HACE1: variants seen among roughly 807,000 people sequenced by gnomAD.
HACE1 encodes HECT domain and ankyrin repeat containing E3 ubiquitin protein ligase 1, also known as E3 ubiquitin-protein ligase HACE1.
Under a neutral mutation model 118.4 loss-of-function variants are expected in HACE1, and 73 were observed. The ratio of observed to expected loss-of-function variants is 0.62; its 90% CI spans 0.51 to 0.75. The LOEUF (loss-of-function observed/expected upper bound fraction) is 0.75, where lower values mean the gene tolerates loss of function less well. Ranked by LOEUF, HACE1 falls within the 30% of genes least tolerant of loss-of-function variation. The pLI is 0.00. For missense variants in HACE1, 749 were observed against 1,102.2 expected, an observed-to-expected ratio of 0.68 and a Z score of 4.54; for synonymous variants, 368 against 374.8, an observed-to-expected ratio of 0.98 and a Z score of 0.21.
At chr6:104,803,969 C>T (rs539659324) in intron 7 of HACE1, among the ~76,000 whole-genome samples, 3 of 152,128 alleles carry the variant, frequency 2.0e-5, no homozygotes, top group African/African-American at 4.8e-5. Flanking sequence ...AAAACCACAT[C>T]GTCTCAGCCC....
intron 19 of HACE1, among the ~76,000 whole-genome samples, chr6:104,759,972 A>C (rs1045136275): frequency 3.3e-5 from 5 of 152,208 alleles, no homozygotes; most frequent in South Asian, 4.1e-4. Flanking sequence ...ATTCCTAGAC[A>C]CATACACCAT....
intron 10 of HACE1, among the ~76,000 whole-genome samples, 186 bp from the exon 11 acceptor site, chr6:104,791,840 A>G (rs1783062486): frequency 6.6e-6 from 1 of 152,208 alleles, no homozygotes; most frequent in African/African-American, 2.4e-5. Context: ...TAACTTGCAT[A>G]TAAATAAATT....
At chr6:104,792,087 GCTAAA>G (rs1222657547) in intron 10 of HACE1, among the ~76,000 whole-genome samples, 2 of 152,106 alleles carry the variant, frequency 1.3e-5, no homozygotes, top group African/African-American at 4.8e-5. Flanking sequence ...TAACGAAGAA[GCTAAA>G]CTAAACTCTG....
intron 19 of HACE1, among the ~76,000 whole-genome samples, chr6:104,754,444 TATA>T (rs1778394499): frequency 6.6e-6 from 1 of 151,982 alleles, no homozygotes; most frequent in Non-Finnish European, 1.5e-5. Context: ...CCCCAAGACA[TATA>T]ATCAGATGTG....
intron 1 of HACE1, among the ~76,000 whole-genome samples, chr6:104,854,553 A>G (rs1315634613): frequency 6.6e-6 from 1 of 150,406 alleles, no homozygotes; most frequent in African/African-American, 2.4e-5. Flanking sequence ...AAGAGTCTTA[A>G]GAGACACATC....
chr6:104,829,847 C>CTATGAGGAATTCTCCA (rs1773684226), intron 6 of HACE1, among the ~76,000 whole-genome samples: 1 of 152,162 alleles, frequency 6.6e-6, no homozygotes, highest in Non-Finnish European at 1.5e-5. Flanking sequence ...AGGCATCTGA[C>CTATGAGGAATTCTCCA]TATGAGGAAT....
intron 4 of HACE1, among the ~76,000 whole-genome samples, chr6:104,848,698 C>G (rs1206711296): frequency 1.3e-5 from 2 of 151,866 alleles, no homozygotes; most frequent in Non-Finnish European, 2.9e-5. Context: ...GTGTATAATT[C>G]CATTAATAAA....
chr6:104,787,042 C>G (rs1782501116), intron 11 of HACE1: 1 of 152,138 alleles, frequency 6.6e-6, no homozygotes, highest in African/African-American at 2.4e-5. Flanking sequence ...CTGTAATATT[C>G]TCTTTTTGAA....
intron 6 of HACE1, among the ~76,000 whole-genome samples, chr6:104,823,645 G>A (rs940069742): frequency 6.6e-6 from 1 of 151,028 alleles, no homozygotes; most frequent in Admixed American, 6.6e-5. Flanking sequence ...TAAAAAAACA[G>A]AGAAAAACCT....
rs1390883695 is a variant in HACE1 at position 104,744,596 on chromosome 6, A to G, written c.2358T>C (p.Ser786=). 7 of 1,579,038 alleles carry G rather than the reference A, an allele frequency of 4.4e-6. No individual in the cohort carries two copies. In the African/African-American group the frequency reaches 5.4e-5, roughly 12 times the overall value. The part of the protein sequence containing the change: ...FDEYELELLL[S]GMPEIDVSDW... ...CACTCACATCAATTTCTGGCATGCC[A>G]GAAAGCAGTAGCTCCTTGGGGGAAG... Residue 786 remains serine (S), a synonymous_variant, in exon 21 of 24, where the codon TCT becomes TCC. Coordinates refer to ENST00000262903, the MANE Select transcript of HACE1 (RefSeq NM_020771.4).
intron 6 of HACE1, among the ~76,000 whole-genome samples, chr6:104,829,041 T>G (rs1028403624): frequency 6.6e-6 from 1 of 152,056 alleles, no homozygotes; most frequent in Non-Finnish European, 1.5e-5. Context: ...AATGGAATTT[T>G]TTCCCCATTT....
chr6:104,740,299 G>A (rs1776498011), intron 22 of HACE1, among the ~76,000 whole-genome samples: 1 of 147,978 alleles, frequency 6.8e-6, no homozygotes, highest in Non-Finnish European at 1.5e-5. Context: ...CTAGCAGAAG[G>A]CAAGAAATAA....
chr6:104,755,499 A>T (rs943348554), intron 19 of HACE1, among the ~76,000 whole-genome samples: 1 of 152,240 alleles, frequency 6.6e-6, no homozygotes, highest in Non-Finnish European at 1.5e-5. Context: ...ACCACATGAC[A>T]CTTATTCTGA....
At position 104,832,355 on chromosome 6, in the gene HACE1, G is replaced by A. The variant is rs377055294; in HGVS notation, c.534+687C>T. Among the ~76,000 whole-genome samples the A allele has an allele frequency of 2.0e-5, 3 of 151,286 alleles. No individual in the cohort carries two copies. The East Asian group carries it at 5.9e-4, about 30-fold the overall frequency. ...ATGCAAATTACAAATATTTTGAACA[G>A]ATATAAAAGCACTATTTTCCTGTTT... On this transcript the variant is annotated intron_variant, in intron 6 of 23. Transcript: ENST00000262903.
intron 19 of HACE1, among the ~76,000 whole-genome samples, chr6:104,769,262 T>C (rs979024743): frequency 1.6e-4 from 24 of 152,260 alleles, no homozygotes; most frequent in African/African-American, 5.8e-4. Context: ...CTCGAACTCC[T>C]GGCCTCAAGC....
intron 19 of HACE1, among the ~76,000 whole-genome samples, chr6:104,765,683 C>T (rs1045201606): frequency 2.6e-5 from 4 of 152,098 alleles, no homozygotes; most frequent in African/African-American, 4.8e-5. Context: ...TCAATTTTCA[C>T]TTCATTATGA....
At chr6:104,797,619 A>T (rs1289296858) in intron 7 of HACE1, among the ~76,000 whole-genome samples, 1 of 152,204 alleles carries the variant, frequency 6.6e-6, no homozygotes, top group Admixed American at 6.5e-5. Context: ...TCATTTTATC[A>T]ACCCACTCAG....
In HACE1 at chr6:104,750,448, C is replaced by T; in HGVS notation, c.2236G>A (p.Glu746Lys). The change falls in exon 20 of 24, where the codon GAA becomes AAA. Residue 746 changes from glutamate (E) to lysine (K), a missense_variant. Physicochemically the swap from Glu to Lys is moderately conservative, Grantham distance 56 (BLOSUM62 1). This residue lies in a region of HACE1 where 165 missense variants were observed against 229.9 expected (regional missense o/e 0.72). Coordinates refer to ENST00000262903, the MANE Select transcript of HACE1 (RefSeq NM_020771.4). ...NKAEYVQLVTELRMTRAIQPQ... is the reference protein window; with the variant it reads ...NKAEYVQLVTKLRMTRAIQPQ... ...TGAATGGCTCTTGTCATTCGAAGTT[C>T]AGTAACAAGCTGGACGTACTCCGCC... The T allele has an allele frequency of 6.2e-7, 1 of 1,613,626 alleles. No individual in the cohort carries two copies. Among genetic ancestry groups the T allele is most frequent in the Non-Finnish European group, 8.5e-7 (1 of 1,179,706 alleles).
chr6:104,750,533 T>C, intron 19 of HACE1, 61 bp from the exon 20 acceptor site: 1 of 1,420,670 alleles, frequency 7.0e-7, no homozygotes. Context: ...TTAATGTTAA[T>C]ATAATTATTT....
Sources: gnomAD v4.1 joint callset for allele counts (sites outside exome capture counted in the v4.1 genomes callset) on GRCh38, gnomAD v4.1.1 for gene constraint, gnomAD v4.1.1 regional missense constraint, MANE v1.5 for transcripts, NCBI Gene and HGNC (gene_info 2026-07-23, HGNC 2026-07-21) for gene names.